KDM4C: variants seen among roughly 807,000 people sequenced by gnomAD.
The protein encoded by KDM4C is lysine-specific demethylase 4C.
KDM4C carries 81 observed loss-of-function variants against 129.3 expected under a neutral mutation model. That is an observed-to-expected ratio of 0.63 (90% CI 0.52 to 0.75). The LOEUF (loss-of-function observed/expected upper bound fraction) is 0.75. KDM4C is among the 30% of genes least tolerant of loss of function. The probability of loss-of-function intolerance (pLI) is 0.00; values close to 1 mark genes in which losing one functional copy is unlikely to be tolerated. For synonymous variants in KDM4C, 573 were observed against 456.1 expected, an observed-to-expected ratio of 1.26 and a Z score of -3.26; for missense variants, 1,457 against 1,304.0, an observed-to-expected ratio of 1.12 and a Z score of -1.81.
intron 1 of KDM4C, among the ~76,000 whole-genome samples, chr9:6,768,163 G>A (rs1821009742): frequency 6.6e-6 from 1 of 152,044 alleles, no homozygotes; most frequent in African/African-American, 2.4e-5. Context: ...AATGTCTTCA[G>A]TGTGGTTCCC....
intron 15 of KDM4C, 68 bp from the exon 16 acceptor site, chr9:7,046,794 T>G (rs1413964379): frequency 9.8e-7 from 1 of 1,024,372 alleles, no homozygotes. Context: ...CTGAGAATAT[T>G]TAGATGAATG....
chr9:6,774,080 G>A (rs1051807483), intron 1 of KDM4C, among the ~76,000 whole-genome samples: 2 of 151,976 alleles, frequency 1.3e-5, no homozygotes, highest in African/African-American at 2.4e-5. Flanking sequence ...TAGAGACGGG[G>A]TTTCACCATA....
upstream of KDM4C, among the ~76,000 whole-genome samples, chr9:6,755,647 G>C (rs535870943): frequency 6.6e-6 from 1 of 152,154 alleles, no homozygotes; most frequent in South Asian, 2.1e-4. Flanking sequence ...AAACTTCAAG[G>C]GGAATCTATG....
intron 17 of KDM4C, among the ~76,000 whole-genome samples, chr9:7,102,114 G>A (rs1837159913): frequency 6.6e-6 from 1 of 152,142 alleles, no homozygotes; most frequent in South Asian, 2.1e-4. Flanking sequence ...GTGTATATAT[G>A]TGTGTGATTT....
intron 4 of KDM4C, among the ~76,000 whole-genome samples, chr9:6,832,724 CTT>C (rs35060245): frequency 1.0e-3 from 121 of 119,466 alleles, no homozygotes; most frequent in African/African-American, 2.2e-3. Context: ...TGTGCCCGGC[CTT>C]TTTTTTTTTT....
chr9:7,022,830 A>C (rs1825115801), intron 15 of KDM4C, among the ~76,000 whole-genome samples: 1 of 151,970 alleles, frequency 6.6e-6, no homozygotes, highest in South Asian at 2.1e-4. Context: ...TACCTTCTGT[A>C]CCCAGTTTTT....
chr9:6,878,281 C>A (rs992747650), intron 5 of KDM4C, among the ~76,000 whole-genome samples: 1 of 152,078 alleles, frequency 6.6e-6, no homozygotes, highest in Non-Finnish European at 1.5e-5. Context: ...GTTGGTTAAC[C>A]ATAAGAATTT....
intron 19 of KDM4C, among the ~76,000 whole-genome samples, chr9:7,163,583 C>G (rs1434689360): frequency 6.6e-6 from 1 of 152,156 alleles, no homozygotes; most frequent in Non-Finnish European, 1.5e-5. Flanking sequence ...ACCTGGGCTT[C>G]AGCTCAGAGG....
chr9:6,728,405 G>A (rs138262378), intron 1 of KDM4C, among the ~76,000 whole-genome samples: 2 of 152,006 alleles, frequency 1.3e-5, no homozygotes, highest in East Asian at 1.9e-4. Flanking sequence ...ACAGTGGAAC[G>A]CGCCTGAAAT....
intron 15 of KDM4C, among the ~76,000 whole-genome samples, chr9:7,032,970 G>A (rs546485342): frequency 6.6e-6 from 1 of 152,100 alleles, no homozygotes; most frequent in African/African-American, 2.4e-5. Context: ...TCCCAGAACT[G>A]GATAACGTCT....
chr9:6,961,921 T>G (rs1219139101), intron 8 of KDM4C, among the ~76,000 whole-genome samples: 2 of 152,176 alleles, frequency 1.3e-5, no homozygotes, highest in Non-Finnish European at 2.9e-5. Flanking sequence ...ACTGAATGAG[T>G]GCATGTATAA....
intron 4 of KDM4C, among the ~76,000 whole-genome samples, chr9:6,831,930 G>A (rs1834900722): frequency 1.3e-5 from 2 of 152,200 alleles, no homozygotes; most frequent in South Asian, 4.1e-4. Context: ...AGGTCCATTA[G>A]TAAGGAAGGT....
chr9:7,157,512 T>A (rs1019362980), intron 19 of KDM4C, among the ~76,000 whole-genome samples: 1 of 152,232 alleles, frequency 6.6e-6, no homozygotes. Context: ...GCTCTTATTA[T>A]TTTGAGATAC....
intron 18 of KDM4C, among the ~76,000 whole-genome samples, chr9:7,113,601 T>G (rs1838577028): frequency 6.6e-6 from 1 of 152,094 alleles, no homozygotes; most frequent in African/African-American, 2.4e-5. Context: ...CACTGCAAAC[T>G]CCCATGCTCA....
intron 12 of KDM4C, among the ~76,000 whole-genome samples, chr9:7,006,450 G>A (rs1025449629): frequency 3.9e-5 from 6 of 152,070 alleles, no homozygotes; most frequent in African/African-American, 1.2e-4. Context: ...ATCCCTTTGA[G>A]GTGTTTGAAA....
At chr9:6,953,464 C>T (rs1396043951) in intron 8 of KDM4C, among the ~76,000 whole-genome samples, 1 of 152,246 alleles carries the variant, frequency 6.6e-6, no homozygotes, top group African/African-American at 2.4e-5. Flanking sequence ...TGATCAATCT[C>T]TTTGTCTTTC....
chr9:7,011,737 A>T lies in KDM4C; in HGVS notation c.1826A>T (p.Glu609Val). 6.2e-7 allele frequency: 1 copy of T among 1,614,202 alleles called. No individual in the cohort carries two copies. Residue 609 changes from glutamate (E) to valine (V), a missense_variant, in exon 13 of 22, where the codon GAA becomes GTA. Transcript: ENST00000381309. ...CTGTCCATTGAGGAGGAAGTGGAAG[A>T]AACAGAGTCTTGGGCGAAACCTCTC... Reference protein sequence around the residue: ...EVLSIEEEVEETESWAKPLIH... With the variant: ...EVLSIEEEVEVTESWAKPLIH...
chr9:6,980,340 T>C (rs774057932), intron 8 of KDM4C, among the ~76,000 whole-genome samples: 4 of 152,208 alleles, frequency 2.6e-5, no homozygotes, highest in Admixed American at 6.5e-5. Flanking sequence ...CATGTCTTCA[T>C]TTTAGTGGAT....
intron 17 of KDM4C, among the ~76,000 whole-genome samples, chr9:7,058,771 C>G (rs924739260): frequency 1.2e-4 from 19 of 152,332 alleles, no homozygotes; most frequent in Admixed American, 9.1e-4. Flanking sequence ...AGCACTTCCA[C>G]TGCCTGCTAT....
Sources: gnomAD v4.1 joint callset for allele counts (sites outside exome capture counted in the v4.1 genomes callset) on GRCh38, gnomAD v4.1.1 for gene constraint, MANE v1.5 for transcripts, NCBI Gene and HGNC (gene_info 2026-07-23, HGNC 2026-07-21) for gene names.